Variants in ACTR10 observed in about 807,000 individuals in gnomAD.
The protein encoded by ACTR10 is actin related protein 10.
ACTR10 carries 43 observed loss-of-function variants against 56.2 expected under a neutral mutation model. The observed-to-expected ratio is 0.77, with a 90% CI of 0.60 to 0.99. ACTR10 has a LOEUF of 0.99. ACTR10 is among the 50% of genes least tolerant of loss of function. The pLI is 0.00. For synonymous variants in ACTR10, 170 were observed against 176.3 expected (o/e 0.96, Z 0.28); for missense variants, 466 against 507.8 (o/e 0.92, Z 0.79).
rs35498207 is a variant in ACTR10, at chr14:58,228,681, CTTTTTTTTTTTTTTTTT to C, written c.789-1696_789-1680del. ...TAACTACATCTAGTTGCAAGACAGA[CTTTTTTTTTTTTTTTTT>C]TTTTTTTTTTTTTTTTTTTTTAAAG... On this transcript the variant is annotated intron_variant, in intron 10 of 12. Transcript: ENST00000254286. Among the ~76,000 whole-genome samples, 97 of 40,792 alleles carry C rather than the reference CTTTTTTTTTTTTTTTTT, an allele frequency of 2.4e-3. 1 individual carries two copies. The highest frequency in any genetic ancestry group is 7.8e-3 in the East Asian group (8 of 1,032). The allele number at this position is 40,792 out of a possible 152,430, so 26.8% of individuals were successfully genotyped here.
intron 10 of ACTR10, among the ~76,000 whole-genome samples, chr14:58,229,765 TACTTC>T (rs1411139987): frequency 6.6e-6 from 1 of 151,822 alleles, no homozygotes; most frequent in Non-Finnish European, 1.5e-5. Flanking sequence ...ATGTAGTAAT[TACTTC>T]ATTATGTGTG....
At chr14:58,208,135 AT>A in intron 3 of ACTR10, 117 bp downstream of exon 3, 2 of 871,808 alleles carry the variant, frequency 2.3e-6, no homozygotes, top group Non-Finnish European at 3.3e-6. Context: ...TTCTATTGCC[AT>A]TTTTACATGC....
At chr14:58,215,898 C>T (rs1427550271) in intron 7 of ACTR10, among the ~76,000 whole-genome samples, 1 of 151,774 alleles carries the variant, frequency 6.6e-6, no homozygotes, top group African/African-American at 2.4e-5. Flanking sequence ...TTTTCCTTGT[C>T]TCCCGTTTTA....
In ACTR10 at chr14:58,215,255, C is replaced by A; in HGVS notation, c.569C>A (p.Ala190Asp). Residue 190 changes from alanine to aspartate, a missense_variant, in exon 7 of 13, where the codon GCT (alanine) becomes GAT (aspartate). Physicochemically the swap from Ala to Asp is moderately radical, Grantham distance 126. Coordinates refer to ENST00000254286, the MANE Select transcript of ACTR10 (RefSeq NM_018477.3). ...CAATGTACTGTTGACACAAGTGTTG[C>A]TAAAGAACAGAGCCTTCCCTCAGTG... ...LEQCTVDTSV[A>D]KEQSLPSVMG... The A allele has an allele frequency of 6.2e-7, 1 of 1,610,732 alleles. No homozygotes were observed. Among genetic ancestry groups the A allele is most frequent in the Non-Finnish European group, 8.5e-7 (1 of 1,178,272 alleles).
intron 7 of ACTR10, among the ~76,000 whole-genome samples, chr14:58,216,005 T>C (rs1221794924): frequency 6.6e-6 from 1 of 151,584 alleles, no homozygotes; most frequent in Non-Finnish European, 1.5e-5. Context: ...TTCCACACCA[T>C]TGAACACCCG....
In ACTR10 at chr14:58,234,376, T is replaced by G; in HGVS notation, c.1079T>G (p.Ile360Ser). The G allele has an allele frequency of 6.4e-7, 1 of 1,556,188 alleles. No homozygotes were observed. The highest frequency in any genetic ancestry group is 8.7e-7 in the Non-Finnish European group (1 of 1,149,046). ...ANCVAWLGGA[I>S]FGALQDILGS... is the part of the protein sequence containing the mutation. Reference sequence around the variant, plus strand: ...AAATATTTTTGTCACACAGGGGCTATTTTTGGAGCATTACAAGATATACTT... The same window carrying G: ...AAATATTTTTGTCACACAGGGGCTAGTTTTGGAGCATTACAAGATATACTT... The change falls in exon 13 of 13, where the codon ATT (isoleucine) becomes AGT (serine). Residue 360 changes from isoleucine (I) to serine (S), a missense_variant. By Grantham distance (142) the Ile-to-Ser change is moderately radical. Transcript: ENST00000254286.
chr14:58,205,635 C>T (rs996930690), intron 2 of ACTR10, among the ~76,000 whole-genome samples: 15 of 152,120 alleles, frequency 9.9e-5, no homozygotes, highest in African/African-American at 3.6e-4. Flanking sequence ...TTTAATTACA[C>T]TTGATTAAGG....
chr14:58,202,813 A>G (rs773795065), intron 1 of ACTR10, 42 bp from the exon 2 acceptor site: 3 of 1,363,778 alleles, frequency 2.2e-6, no homozygotes, highest in African/African-American at 2.9e-5. Flanking sequence ...CAAATATTTA[A>G]AAGAATACTA....
Position 58,232,261 on chromosome 14 carries a change from T to G in ACTR10, c.1066T>G (p.Leu356Val). The G allele has an allele frequency of 2.5e-6, 4 of 1,611,656 alleles. No individual in the cohort carries two copies. In the South Asian group the frequency reaches 4.4e-5, roughly 18 times the overall value. ...TGCAAAAGCTAATTGTGTGGCCTGG[T>G]TGGGAGGTAAGAATTTCACTTTTAA... ...PPAKANCVAW[L>V]GGAIFGALQD... Residue 356 changes from leucine (L) to valine (V), a missense_variant, in exon 12 of 13, where the codon TTG (leucine) becomes GTG (valine). Physicochemically the swap from Leu to Val is conservative, Grantham distance 32 (BLOSUM62 1). Coordinates refer to ENST00000254286, the MANE Select transcript of ACTR10 (RefSeq NM_018477.3).
intron 7 of ACTR10, among the ~76,000 whole-genome samples, chr14:58,219,330 G>A (rs1384137259): frequency 6.6e-6 from 1 of 152,134 alleles, no homozygotes; most frequent in Non-Finnish European, 1.5e-5. Context: ...AAAAAAGAAT[G>A]AATAAGTACT....
chr14:58,230,491 T>A lies in ACTR10; in HGVS notation c.870+11T>A, dbSNP rs202192468. On this transcript the variant is annotated intron_variant, in intron 11 of 12. Coordinates refer to ENST00000254286, the MANE Select transcript of ACTR10 (RefSeq NM_018477.3). ...GATTCCCTTATACAGGTATTTTATC[T>A]TGTCAAAAAATTCCCTTTATTACCA... The A allele has an allele frequency of 6.9e-7, 1 of 1,450,016 alleles. No individual in the cohort carries two copies. Among genetic ancestry groups the A allele is most frequent in the East Asian group, 2.5e-5 (1 of 39,392 alleles). 89.8% of individuals were successfully genotyped at this position (1,450,016 alleles called of 1,614,324 possible).
At chr14:58,211,857 G>A (rs1231077560) in intron 5 of ACTR10, among the ~76,000 whole-genome samples, 9 of 151,606 alleles carry the variant, frequency 5.9e-5, no homozygotes, top group Non-Finnish European at 1.2e-4. Flanking sequence ...GGAGAGTGGC[G>A]TGAACCCGGG....
In ACTR10 at chr14:58,230,463, T is replaced by C; in HGVS notation, c.853T>C (p.Leu285=). ...AGAGCAATCAGTTGCCACTTTAATA[T>C]TGGATTCCCTTATACAGGTATTTTA... ...NEEQSVATLI[L]DSLIQCPIDT... is the part of the protein sequence containing the mutation. The change falls in exon 11 of 13, where the codon TTG becomes CTG. Residue 285 remains leucine, a synonymous_variant. Coordinates refer to ENST00000254286, the MANE Select transcript of ACTR10 (RefSeq NM_018477.3). 1.3e-6 allele frequency: 2 copies of C among 1,587,604 alleles called. No homozygotes were observed. Among genetic ancestry groups the C allele is most frequent in the Non-Finnish European group, 8.6e-7 (1 of 1,166,496 alleles).
At chr14:58,213,756 A>T (rs1424674143) in intron 6 of ACTR10, 58 bp downstream of exon 6, 1 of 1,387,112 alleles carries the variant, frequency 7.2e-7, no homozygotes, top group Non-Finnish European at 1.0e-6. Flanking sequence ...ACAGTTGCTA[A>T]TCTGTTTGTT....
At chr14:58,211,450 T>A in intron 5 of ACTR10, 51 bp downstream of exon 5, 1 of 1,256,384 alleles carries the variant, frequency 8.0e-7, no homozygotes, top group Non-Finnish European at 1.2e-6. Context: ...CTACTTTAAC[T>A]AAAATAATTA....
intron 2 of ACTR10, among the ~76,000 whole-genome samples, chr14:58,205,610 C>T (rs545640795): frequency 2.8e-4 from 43 of 152,200 alleles, no homozygotes; most frequent in African/African-American, 1.0e-3. Flanking sequence ...CCACTGCGCT[C>T]GGCCCAGAAA....
chr14:58,215,246 C>G lies in ACTR10; in HGVS notation c.560C>G (p.Thr187Arg). Reference protein sequence around the residue: ...TQLLEQCTVDTSVAKEQSLPS... With the variant: ...TQLLEQCTVDRSVAKEQSLPS... ...CTATTGGAACAATGTACTGTTGACA[C>G]AAGTGTTGCTAAAGAACAGAGCCTT... Residue 187 changes from threonine (T) to arginine (R), a missense_variant, in exon 7 of 13, where the codon ACA becomes AGA. Transcript: ENST00000254286. 2 of 1,610,804 alleles carry G rather than the reference C, an allele frequency of 1.2e-6. No homozygotes were observed. The highest frequency in any genetic ancestry group is 1.7e-6 in the Non-Finnish European group (2 of 1,178,496).
At chr14:58,217,615 G>A (rs988626092) in intron 7 of ACTR10, among the ~76,000 whole-genome samples, 3 of 150,774 alleles carry the variant, frequency 2.0e-5, no homozygotes, top group Non-Finnish European at 2.9e-5. Context: ...GCAGTGAGCC[G>A]AGATCGAGCC....
intron 4 of ACTR10, 56 bp downstream of exon 4, chr14:58,209,163 T>C (rs1888937573): frequency 8.0e-7 from 1 of 1,252,726 alleles, no homozygotes; most frequent in Admixed American, 2.3e-5. Flanking sequence ...AGAGAAGCAA[T>C]AAAATTCTTA....
Sources: allele counts gnomAD v4.1 joint callset (sites outside exome capture counted in the v4.1 genomes callset), GRCh38; gene constraint gnomAD v4.1.1; transcripts MANE v1.5; gene names NCBI Gene and HGNC (gene_info 2026-07-23, HGNC 2026-07-21).